The following OTOP1 variants were observed in gnomAD, a reference collection of about 807,000 sequenced individuals.
OTOP1 encodes the protein proton channel OTOP1.
Under a neutral mutation model 52.9 loss-of-function variants are expected in OTOP1, and 59 were observed. The ratio of observed to expected loss-of-function variants is 1.12; its 90% CI spans 0.91 to 1.39. OTOP1 has a LOEUF of 1.39. Among genes scored for constraint, OTOP1 ranks in the 40% most tolerant of loss-of-function variants. The pLI is 0.00. For missense variants in OTOP1, 761 were observed against 800.9 expected (o/e 0.95, Z 0.60); for synonymous variants, 317 against 337.7 (o/e 0.94, Z 0.67).
chr4:4,224,202 C>T (rs1300214634), intron 1 of OTOP1, among the ~76,000 whole-genome samples: 2 of 151,894 alleles, frequency 1.3e-5, no homozygotes, highest in African/African-American at 2.4e-5. Flanking sequence ...CAAAAAATAG[C>T]TGGGCATAGT....
In OTOP1 at chr4:4,222,597, A is replaced by G. The variant is rs535127933; in HGVS notation, c.403+3865T>C. Reference sequence around the variant, plus strand: ...ACACTATGTCTATATTTTCCACTGGACCAGAAATATCATCTAAGAAAACAA... The same window carrying G: ...ACACTATGTCTATATTTTCCACTGGGCCAGAAATATCATCTAAGAAAACAA... On this transcript the variant is annotated intron_variant, in intron 1 of 5. Transcript: ENST00000296358. Among the ~76,000 whole-genome samples, 3 of 152,278 alleles carry G rather than the reference A, an allele frequency of 2.0e-5. No individual in the cohort carries two copies. The East Asian group carries it at 5.8e-4, about 29-fold the overall frequency.
chr4:4,201,900 T>C (rs1392187330), intron 4 of OTOP1, among the ~76,000 whole-genome samples: 2 of 152,108 alleles, frequency 1.3e-5, no homozygotes, highest in African/African-American at 4.8e-5. Context: ...GCTAAAGGAT[T>C]TTAGATGAAA....
chr4:4,206,045 T>C (rs1166925850), intron 3 of OTOP1, 27 bp downstream of exon 3: 5 of 1,564,640 alleles, frequency 3.2e-6, no homozygotes, highest in Admixed American at 1.7e-5. Context: ...AAATTCAACA[T>C]ATAAAGCAAT....
intron 4 of OTOP1, among the ~76,000 whole-genome samples, chr4:4,201,205 G>A (rs1406270838): frequency 6.6e-6 from 1 of 152,120 alleles, no homozygotes; most frequent in Non-Finnish European, 1.5e-5. Flanking sequence ...AAGGCAGGTG[G>A]ATCACAAGGC....
At chr4:4,195,109 A>G (rs539061691) in intron 5 of OTOP1, among the ~76,000 whole-genome samples, 1 of 152,288 alleles carries the variant, frequency 6.6e-6, no homozygotes, top group East Asian at 1.9e-4. Context: ...CATAAAGACT[A>G]GACTCTAGCC....
intron 2 of OTOP1, among the ~76,000 whole-genome samples, chr4:4,206,445 C>T (rs1356990759): frequency 1.3e-5 from 2 of 152,180 alleles, no homozygotes; most frequent in Non-Finnish European, 2.9e-5. Flanking sequence ...TAGTAGCCTG[C>T]TTGACATTAA....
At chr4:4,206,045 T>A (rs1166925850) in intron 3 of OTOP1, 27 bp downstream of exon 3, 2 of 1,564,640 alleles carry the variant, frequency 1.3e-6, no homozygotes, top group East Asian at 2.2e-5. Context: ...AAATTCAACA[T>A]ATAAAGCAAT....
At chr4:4,226,286 CAGAG>C (rs796567275) in intron 1 of OTOP1, among the ~76,000 whole-genome samples, 172 bp downstream of exon 1, 1 of 96,574 alleles carries the variant, frequency 1.0e-5, no homozygotes, top group Non-Finnish European at 2.0e-5. Flanking sequence ...ACCCAAGCTT[CAGAG>C]AGAGAGAGAG....
intron 1 of OTOP1, among the ~76,000 whole-genome samples, chr4:4,219,884 TAC>T (rs1243158070): frequency 6.2e-5 from 9 of 145,928 alleles, no homozygotes; most frequent in African/African-American, 2.0e-4. Flanking sequence ...TATGTATATA[TAC>T]ACATATATGT....
chr4:4,211,594 G>A (rs1323257860), intron 2 of OTOP1, among the ~76,000 whole-genome samples: 2 of 152,076 alleles, frequency 1.3e-5, no homozygotes, highest in African/African-American at 2.4e-5. Flanking sequence ...GTTTCTAATC[G>A]AATGCACAAA....
chr4:4,205,164 C>A (rs1172707280), intron 3 of OTOP1, among the ~76,000 whole-genome samples: 1 of 152,156 alleles, frequency 6.6e-6, no homozygotes, highest in Non-Finnish European at 1.5e-5. Context: ...CCTCACCATC[C>A]CCTGGGAGGG....
intron 2 of OTOP1, among the ~76,000 whole-genome samples, chr4:4,211,730 C>A (rs1242628325): frequency 6.6e-6 from 1 of 151,798 alleles, no homozygotes. Flanking sequence ...CCACTGCACT[C>A]CACCCTGGGC....
intron 5 of OTOP1, among the ~76,000 whole-genome samples, chr4:4,190,197 G>T (rs1716471868): frequency 6.6e-6 from 1 of 152,204 alleles, no homozygotes; most frequent in African/African-American, 2.4e-5. Flanking sequence ...AGTAGGCTGG[G>T]CACAGTGGCT....
chr4:4,196,937 G>T (rs986037345), intron 5 of OTOP1, among the ~76,000 whole-genome samples: 8 of 152,042 alleles, frequency 5.3e-5, no homozygotes, highest in African/African-American at 1.7e-4. Flanking sequence ...ACAAATATAT[G>T]AACAGACACT....
chr4:4,208,637 G>A (rs1298644689), intron 2 of OTOP1, among the ~76,000 whole-genome samples: 3 of 152,130 alleles, frequency 2.0e-5, no homozygotes, highest in Non-Finnish European at 4.4e-5. Flanking sequence ...AGGAAATAGA[G>A]AGTTGTTTAG....
At position 4,212,855 on chromosome 4, in the gene OTOP1, A is replaced by G. The variant is rs770745494; in HGVS notation, c.540+13T>C. ...TAGGAATGAGACAATATAAATAAAC[A>G]TCAGTGGTTTACCTGCAACAAAGTA... On this transcript the variant is annotated intron_variant, in intron 2 of 5. Coordinates refer to ENST00000296358, the MANE Select transcript of OTOP1 (RefSeq NM_177998.3). The G allele has an allele frequency of 6.2e-7, 1 of 1,613,638 alleles. No homozygotes were observed. The highest frequency in any genetic ancestry group is 8.5e-7 in the Non-Finnish European group (1 of 1,179,602).
intron 1 of OTOP1, among the ~76,000 whole-genome samples, chr4:4,225,735 C>A (rs1468840104): frequency 2.0e-4 from 31 of 152,300 alleles, no homozygotes; most frequent in Admixed American, 6.5e-5. Flanking sequence ...TCAACACCCA[C>A]TTCGTGCCAG....
Position 4,208,024 on chromosome 4 carries a change from G to A in OTOP1, c.541-1894C>T, listed in dbSNP as rs147616720. 3.2e-4 allele frequency among the ~76,000 whole-genome samples: 48 copies of A among 152,260 alleles called. No homozygotes were observed. In the East Asian group the frequency reaches 7.5e-3, roughly 24 times the overall value. ...TAGAGGAATAGTTGCTTATGCATCC[G>A]TCTAGCTCAGCGAACCTGCATTCCT... On this transcript the variant is annotated intron_variant, in intron 2 of 5. Coordinates refer to ENST00000296358, the MANE Select transcript of OTOP1 (RefSeq NM_177998.3).
At chr4:4,226,391 C>T in intron 1 of OTOP1, 71 bp downstream of exon 1, 8 of 1,291,556 alleles carry the variant, frequency 6.2e-6, no homozygotes, top group Non-Finnish European at 8.0e-6. Context: ...GTAGGAAGGG[C>T]GCAGAGCAGC....
Sources: gnomAD v4.1 joint callset for allele counts (sites outside exome capture counted in the v4.1 genomes callset) on GRCh38, gnomAD v4.1.1 for gene constraint, MANE v1.5 for transcripts, NCBI Gene and HGNC (gene_info 2026-07-23, HGNC 2026-07-21) for gene names.